The following PCDHA7 variants were observed in gnomAD, a reference collection of about 807,000 sequenced individuals.
PCDHA7 encodes the protein protocadherin alpha 7, also known as protocadherin alpha-7.
A neutral mutation model predicts 57.2 loss-of-function variants in PCDHA7; 37 were observed. That is an observed-to-expected ratio of 0.65 (90% CI 0.50 to 0.85). The LOEUF (loss-of-function observed/expected upper bound fraction) is 0.85. Among genes scored for constraint, PCDHA7 ranks in the 40% least tolerant of loss-of-function variants. PCDHA7 has a pLI of 0.00. For synonymous variants in PCDHA7, 553 were observed against 558.8 expected (o/e 0.99, Z 0.15); for missense variants, 1,188 against 1,241.8 (o/e 0.96, Z 0.65).
intron 1 of PCDHA7, chr5:140,883,517 A>G: frequency 6.2e-7 from 1 of 1,614,162 alleles, no homozygotes; most frequent in Non-Finnish European, 8.5e-7. Context: ...GGACCGCGAG[A>G]GCGTATCAGC....
At chr5:140,942,332 C>T (rs2093271266) in intron 1 of PCDHA7, among the ~76,000 whole-genome samples, 1 of 151,760 alleles carries the variant, frequency 6.6e-6, no homozygotes, top group Non-Finnish European at 1.5e-5. Flanking sequence ...ATCACTTGAA[C>T]CAGAGGGAGG....
chr5:140,892,304 G>A (rs1301333753), intron 1 of PCDHA7, among the ~76,000 whole-genome samples: 1 of 152,004 alleles, frequency 6.6e-6, no homozygotes, highest in East Asian at 1.9e-4. Context: ...AAATAATTTG[G>A]GGCTTATAAC....
chr5:140,890,990 A>T (rs782516672), intron 1 of PCDHA7, among the ~76,000 whole-genome samples: 1 of 152,142 alleles, frequency 6.6e-6, no homozygotes, highest in African/African-American at 2.4e-5. Flanking sequence ...TCTTTATTTC[A>T]TCATAATTAT....
At chr5:140,850,434 C>T (rs2150484212) in intron 1 of PCDHA7, 3 of 1,597,894 alleles carry the variant, frequency 1.9e-6, no homozygotes, top group Non-Finnish European at 1.7e-6. Flanking sequence ...GCGCCAGCGC[C>T]TACTGGTGCT....
At chr5:140,844,452 G>A (rs1403381555) in intron 1 of PCDHA7, among the ~76,000 whole-genome samples, 2 of 148,572 alleles carry the variant, frequency 1.3e-5, no homozygotes, top group South Asian at 2.1e-4. Context: ...TTGTATTGTC[G>A]CCAACTTAAC....
At position 140,848,200 on chromosome 5, in the gene PCDHA7, A is replaced by G. The variant is rs1011742191; in HGVS notation, c.2355+11462A>G. On this transcript the variant is annotated intron_variant, in intron 1 of 3. Transcript: ENST00000525929. ...AGAAACGGGATCTTCTGTTTCAACA[A>G]TCATTACTTAAGAAAAAATTAAGAA... is the stretch of plus-strand genomic sequence containing the variant. 48 of 323,068 alleles carry G rather than the reference A, an allele frequency of 1.5e-4. 5 individuals carry two copies. Among genetic ancestry groups the G allele is most frequent in the Non-Finnish European group, 1.1e-5 (2 of 175,496 alleles). 20.0% of individuals were successfully genotyped at this position (323,068 alleles called of 1,614,324 possible). A position where few individuals can be genotyped will look rare whatever the true frequency, so the allele number is the denominator to read the frequency against.
At position 140,914,538 on chromosome 5, in the gene PCDHA7, T is replaced by C. The variant is rs1393710886; in HGVS notation, c.2356-64411T>C. ...TTTTTTCATCCATTCAGCCACTTTA[T>C]TTCTTTTTATTGGAGAGTTTAGTCC... is the stretch of plus-strand genomic sequence containing the variant. On this transcript the variant is annotated intron_variant, in intron 1 of 3. Transcript: ENST00000525929. 2.0e-5 allele frequency among the ~76,000 whole-genome samples: 3 copies of C among 152,198 alleles called. No individual in the cohort carries two copies. The East Asian group carries it at 5.8e-4, about 29-fold the overall frequency.
chr5:140,937,148 C>T (rs1400872734), intron 1 of PCDHA7, among the ~76,000 whole-genome samples: 6 of 151,842 alleles, frequency 4.0e-5, no homozygotes, highest in Non-Finnish European at 8.8e-5. Flanking sequence ...TGCCATTCTC[C>T]TGCCTCAGCC....
chr5:140,971,557 T>A (rs1483701815), intron 1 of PCDHA7, among the ~76,000 whole-genome samples: 5 of 152,150 alleles, frequency 3.3e-5, no homozygotes, highest in Non-Finnish European at 7.4e-5. Context: ...CCTGTTAAAT[T>A]CCCATGTTGG....
chr5:140,877,276 G>C, intron 1 of PCDHA7: 2 of 1,613,862 alleles, frequency 1.2e-6, no homozygotes, highest in Non-Finnish European at 1.7e-6. Flanking sequence ...CGCTGACTCC[G>C]GCTATAACGC....
chr5:140,918,706 G>A (rs528090085), intron 1 of PCDHA7, among the ~76,000 whole-genome samples: 10 of 152,108 alleles, frequency 6.6e-5, no homozygotes, highest in Non-Finnish European at 1.5e-4. Context: ...AGTCATGAGG[G>A]CAGAGCCCTC....
chr5:140,847,566 G>A (rs1309857788), intron 1 of PCDHA7: 2 of 149,184 alleles, frequency 1.3e-5, no homozygotes, highest in African/African-American at 4.9e-5. Context: ...ATTGCCCCGA[G>A]TACTAAGGAT....
At position 140,853,168 on chromosome 5, in the gene PCDHA7, C is replaced by T. The variant is rs2150529261; in HGVS notation, c.2355+16430C>T. 37 of 960,760 alleles carry T rather than the reference C, an allele frequency of 3.9e-5. 1 individual carries two copies. Among genetic ancestry groups the T allele is most frequent in the Admixed American group, 1.3e-4 (2 of 15,838 alleles). 59.5% of individuals were successfully genotyped at this position (960,760 alleles called of 1,614,324 possible). On this transcript the variant is annotated intron_variant, in intron 1 of 3. Transcript: ENST00000525929. ...TGCTGGGATTACAGGCGTGAGCCAC[C>T]GCGCCTGGCCTAAAATGTGTTCTTT... is the stretch of plus-strand genomic sequence containing the variant.
chr5:140,875,929 C>T (rs1554168093), intron 1 of PCDHA7: 4 of 1,614,154 alleles, frequency 2.5e-6, no homozygotes, highest in East Asian at 2.2e-5. Context: ...CTCTCATTTT[C>T]CTCTAGAGGG....
At position 140,847,877 on chromosome 5, in the gene PCDHA7, C is replaced by G. The variant is rs1305831915; in HGVS notation, c.2355+11139C>G. On this transcript the variant is annotated intron_variant, in intron 1 of 3. Coordinates refer to ENST00000525929, the MANE Select transcript of PCDHA7 (RefSeq NM_018910.3). ...TGTTGATTCCTTTTACCAGACATGA[C>G]TAAGTTTCTTTTTCATCAGTAGATT... 5 of 149,752 alleles carry G rather than the reference C, an allele frequency of 3.3e-5. 1 individual carries two copies. The highest frequency in any genetic ancestry group is 7.5e-5 in the Non-Finnish European group (5 of 66,994). 9.3% of individuals were successfully genotyped at this position (149,752 alleles called of 1,614,324 possible). A position where few individuals can be genotyped will look rare whatever the true frequency, so the allele number is the denominator to read the frequency against.
At chr5:140,909,428 G>A (rs2074488610) in intron 1 of PCDHA7, among the ~76,000 whole-genome samples, 1 of 152,150 alleles carries the variant, frequency 6.6e-6, no homozygotes, top group African/African-American at 2.4e-5. Context: ...TTAAACTTAT[G>A]ATAATCCACT....
At chr5:140,902,313 C>T (rs2069368502) in intron 1 of PCDHA7, among the ~76,000 whole-genome samples, 1 of 150,820 alleles carries the variant, frequency 6.6e-6, no homozygotes, top group African/African-American at 2.4e-5. Context: ...GCTGGGATTA[C>T]AGGTGTAACT....
intron 1 of PCDHA7, chr5:140,856,983 G>A: frequency 6.3e-7 from 1 of 1,595,186 alleles, no homozygotes; most frequent in Non-Finnish European, 8.6e-7. Flanking sequence ...TTTGAGGACA[G>A]TAACACTTAT....
chr5:140,937,151 C>T (rs1170352289), intron 1 of PCDHA7, among the ~76,000 whole-genome samples: 1 of 151,572 alleles, frequency 6.6e-6, no homozygotes, highest in African/African-American at 2.4e-5. Context: ...CATTCTCCTG[C>T]CTCAGCCTCC....
Sources: allele counts gnomAD v4.1 joint callset (sites outside exome capture counted in the v4.1 genomes callset), GRCh38; gene constraint gnomAD v4.1.1; transcripts MANE v1.5; gene names NCBI Gene and HGNC (gene_info 2026-07-23, HGNC 2026-07-21).